The following AKAP12 variants were observed in gnomAD, a reference collection of about 807,000 sequenced individuals.
The protein encoded by AKAP12 is A-kinase anchoring protein 12.
Under a neutral mutation model 79.9 loss-of-function variants are expected in AKAP12, and 32 were observed. The observed-to-expected ratio is 0.40, with a 90% confidence interval of 0.30 to 0.54. The LOEUF (loss-of-function observed/expected upper bound fraction) is 0.54. Ranked by LOEUF, AKAP12 falls within the 20% of genes least tolerant of loss-of-function variation. The probability of loss-of-function intolerance (pLI) is 0.48; values close to 1 mark genes in which losing one functional copy is unlikely to be tolerated. For synonymous variants in AKAP12, 808 were observed against 857.0 expected, an observed-to-expected ratio of 0.94 and a Z score of 1.00; for missense variants, 2,074 against 2,177.0, an observed-to-expected ratio of 0.95 and a Z score of 0.94.
chr6:151,328,755 A>G (rs148800999), intron 3 of AKAP12, among the ~76,000 whole-genome samples: 1 of 152,262 alleles, frequency 6.6e-6, no homozygotes, highest in African/African-American at 2.4e-5. Context: ...CTTTAGTACT[A>G]TGTTATTTTA....
chr6:151,319,493 T>TACTATCC (rs1777316953), intron 3 of AKAP12: 1 of 136,142 alleles, frequency 7.3e-6, no homozygotes, highest in Non-Finnish European at 1.5e-5. Flanking sequence ...ATCTACTATC[T>TACTATCC]ATAACTATCT....
chr6:151,299,677 A>G (rs768057400), intron 2 of AKAP12, among the ~76,000 whole-genome samples: 7 of 151,380 alleles, frequency 4.6e-5, no homozygotes, highest in South Asian at 2.1e-4. Context: ...GTCTAAATCT[A>G]CCTCATAGCT....
At chr6:151,301,519 C>T (rs79350366) in intron 2 of AKAP12, among the ~76,000 whole-genome samples, 5,867 of 152,166 alleles carry the variant, frequency 0.039, 329 homozygotes, top group African/African-American at 0.13. Flanking sequence ...CTTATTTAGA[C>T]GGTTTGGGGA....
At chr6:151,266,608 C>G (rs1776034242) in intron 2 of AKAP12, among the ~76,000 whole-genome samples, 1 of 152,154 alleles carries the variant, frequency 6.6e-6, no homozygotes, top group South Asian at 2.1e-4. Flanking sequence ...ATCCTTTGCT[C>G]CAGTGCTGCT....
intron 2 of AKAP12, among the ~76,000 whole-genome samples, chr6:151,247,045 T>A (rs1366440277): frequency 1.3e-5 from 2 of 151,960 alleles, no homozygotes; most frequent in East Asian, 3.9e-4. Flanking sequence ...CTCCCACCTC[T>A]GCCTCCCAAA....
In AKAP12 at chr6:151,351,684, C is replaced by T. The variant is rs1778295499; in HGVS notation, c.3293C>T (p.Ala1098Val). ...KETDVVLKVDAQEAKTEPFTQ... is the reference protein window; with the variant it reads ...KETDVVLKVDVQEAKTEPFTQ... ...ACGGATGTAGTGTTGAAAGTAGATG[C>T]TCAGGAGGCAAAAACTGAGCCTTTT... Residue 1098 changes from alanine (A) to valine (V), a missense_variant, in exon 4 of 5, where the codon GCT (alanine) becomes GTT (valine). This residue lies in a region of AKAP12 where 1,428 missense variants were observed against 1,451.0 expected (regional missense o/e 0.98). Coordinates refer to ENST00000402676, the MANE Select transcript of AKAP12 (RefSeq NM_005100.4). This position sits in a 1 kb window ranked among gnomAD's most constrained non-coding sequence, Gnocchi z 4.4. The T allele has an allele frequency of 6.2e-7, 1 of 1,614,026 alleles. No homozygotes were observed. The highest frequency in any genetic ancestry group is 1.3e-5 in the African/African-American group (1 of 74,912).
chr6:151,348,533 G>T (rs1197515489), intron 3 of AKAP12, among the ~76,000 whole-genome samples, 178 bp from the exon 4 acceptor site: 1 of 152,064 alleles, frequency 6.6e-6, no homozygotes, highest in African/African-American at 2.4e-5. Context: ...CAGCTACTCG[G>T]GATGCTGAGG....
intron 2 of AKAP12, among the ~76,000 whole-genome samples, chr6:151,261,510 C>T (rs893691502): frequency 6.6e-6 from 1 of 151,724 alleles, no homozygotes; most frequent in African/African-American, 2.4e-5. Context: ...AAAATACAAC[C>T]CGTCTCTAAA....
rs1778434254 is a variant in AKAP12 at position 151,356,112 on chromosome 6, T to C, written c.*398T>C. 6.6e-6 allele frequency: 1 copy of C among 152,668 alleles called. No individual in the cohort carries two copies. The highest frequency in any genetic ancestry group is 2.1e-4 in the South Asian group (1 of 4,838). The allele number at this position is 152,668 out of a possible 1,614,324, so 9.5% of individuals were successfully genotyped here. A position where few individuals can be genotyped will look rare whatever the true frequency, so the allele number is the denominator to read the frequency against. On this transcript the variant is annotated 3_prime_UTR_variant, in exon 5 of 5. Transcript: ENST00000402676. Reference sequence around the variant, plus strand: ...TATCTATTGTATATTTTTTTCTTAATGTTTAAGGAAATGTGCAGGATACTA... The same window carrying C: ...TATCTATTGTATATTTTTTTCTTAACGTTTAAGGAAATGTGCAGGATACTA...
chr6:151,282,738 C>G (rs1647332638), intron 2 of AKAP12, among the ~76,000 whole-genome samples: 1 of 152,174 alleles, frequency 6.6e-6, no homozygotes, highest in Non-Finnish European at 1.5e-5. Flanking sequence ...TCCCCGACTT[C>G]TCTTGTCTAT....
chr6:151,310,224 C>T (rs1397700459), intron 3 of AKAP12, among the ~76,000 whole-genome samples: 1 of 151,926 alleles, frequency 6.6e-6, no homozygotes, highest in East Asian at 1.9e-4. Context: ...ATTAGCTGGG[C>T]GTGGATGGCA....
At chr6:151,348,339 A>G (rs1778166642) in intron 3 of AKAP12, 1 of 455,096 alleles carries the variant, frequency 2.2e-6, no homozygotes, top group Non-Finnish European at 4.4e-6. Context: ...AAAAAAAAAA[A>G]AAAAGTTAAT....
chr6:151,322,890 GA>G (rs1172337332), intron 3 of AKAP12, among the ~76,000 whole-genome samples: 2 of 152,330 alleles, frequency 1.3e-5, no homozygotes, highest in East Asian at 3.9e-4. Flanking sequence ...TCTGATTTGG[GA>G]AAACACGTTT....
In AKAP12 at chr6:151,278,594, T is replaced by C. The variant is rs180820799; in HGVS notation, c.163-27153T>C. Among the ~76,000 whole-genome samples, 16 of 152,334 alleles carry C rather than the reference T, an allele frequency of 1.1e-4. No individual in the cohort carries two copies. The East Asian group carries it at 3.1e-3, about 29-fold the overall frequency. On this transcript the variant is annotated intron_variant, in intron 2 of 4. Transcript: ENST00000402676. ...GTCAGTTTCTGGGAAGTTCTGTTCTTTGACTACTGTTGTATTGGAGATCAC... is the reference window on the plus strand; with the variant it reads ...GTCAGTTTCTGGGAAGTTCTGTTCTCTGACTACTGTTGTATTGGAGATCAC...
intron 2 of AKAP12, among the ~76,000 whole-genome samples, chr6:151,299,132 A>G (rs567579314): frequency 2.6e-5 from 4 of 152,176 alleles, no homozygotes; most frequent in Non-Finnish European, 5.9e-5. Flanking sequence ...TAGAACTGTG[A>G]TATGCTTGGC....
intron 2 of AKAP12, among the ~76,000 whole-genome samples, chr6:151,267,378 G>GTC (rs1562713657): frequency 6.6e-6 from 1 of 152,060 alleles, no homozygotes; most frequent in Non-Finnish European, 1.5e-5. Flanking sequence ...GTACTTAATT[G>GTC]ACATAGTCAC....
At chr6:151,346,489 G>A (rs554025204) in intron 3 of AKAP12, among the ~76,000 whole-genome samples, 4 of 152,232 alleles carry the variant, frequency 2.6e-5, no homozygotes, top group Admixed American at 6.5e-5. Context: ...AATGCCCTTC[G>A]CTGTGGATTT....
chr6:151,328,470 C>T (rs963603715), intron 3 of AKAP12, among the ~76,000 whole-genome samples: 1 of 151,670 alleles, frequency 6.6e-6, no homozygotes, highest in African/African-American at 2.4e-5. Context: ...AACCCCGTCT[C>T]TACTAAAAAT....
chr6:151,242,483 T>C (rs1796997769), intron 2 of AKAP12, among the ~76,000 whole-genome samples: 1 of 152,262 alleles, frequency 6.6e-6, no homozygotes, highest in African/African-American at 2.4e-5. Flanking sequence ...TGCCCAGTTA[T>C]CAATTTGGAG....
Sources: gnomAD v4.1 joint callset for allele counts (sites outside exome capture counted in the v4.1 genomes callset) on GRCh38, gnomAD v4.1.1 for gene constraint, gnomAD v4.1.1 regional missense constraint, Gnocchi (gnomAD v3.1) non-coding constraint, MANE v1.5 for transcripts, NCBI Gene and HGNC (gene_info 2026-07-23, HGNC 2026-07-21) for gene names.